SNAPC3: variants seen among roughly 807,000 people sequenced by gnomAD.
The protein encoded by SNAPC3 is small nuclear RNA activating complex polypeptide 3.
In SNAPC3, 56 loss-of-function variants were observed where a neutral mutation model predicts 47.7. The observed-to-expected ratio is 1.18, with a 90% CI of 0.95 to 1.47. SNAPC3 has a LOEUF of 1.47. Among genes scored for constraint, SNAPC3 ranks in the 40% most tolerant of loss-of-function variants. SNAPC3 has a pLI of 0.00. For synonymous variants in SNAPC3, 235 were observed against 189.9 expected (o/e 1.24, Z -1.95); for missense variants, 665 against 511.3 (o/e 1.30, Z -2.90).
intron 4 of SNAPC3, among the ~76,000 whole-genome samples, chr9:15,445,952 C>T (rs949347253): frequency 1.3e-5 from 2 of 152,148 alleles, no homozygotes; most frequent in South Asian, 2.1e-4. Flanking sequence ...ACCCCCTTCT[C>T]CCCAGAAAAA....
At chr9:15,433,284 A>AC (rs2032393565) in intron 2 of SNAPC3, among the ~76,000 whole-genome samples, 1 of 151,710 alleles carries the variant, frequency 6.6e-6, no homozygotes, top group Non-Finnish European at 1.5e-5. Flanking sequence ...AAAAAAAAAA[A>AC]CGAGTAAATT....
At chr9:15,433,992 T>C (rs2032492018) in intron 3 of SNAPC3, among the ~76,000 whole-genome samples, 3 of 152,172 alleles carry the variant, frequency 2.0e-5, no homozygotes, top group Admixed American at 6.5e-5. Context: ...GTGTAAAACT[T>C]TGGGAAAATT....
intron 5 of SNAPC3, among the ~76,000 whole-genome samples, chr9:15,447,901 C>T (rs2034072176): frequency 2.0e-5 from 3 of 152,150 alleles, no homozygotes; most frequent in African/African-American, 4.8e-5. Context: ...GCCCTGCATA[C>T]CCCCTGGATA....
At chr9:15,433,669 C>T in intron 3 of SNAPC3, 33 bp downstream of exon 3, 1 of 1,340,934 alleles carries the variant, frequency 7.5e-7, no homozygotes, top group Non-Finnish European at 1.1e-6. Flanking sequence ...TCACCCTTTT[C>T]TCTTAAAACA....
At chr9:15,444,442 G>A (rs1412068076) in intron 3 of SNAPC3, among the ~76,000 whole-genome samples, 160 bp from the exon 4 acceptor site, 2 of 152,184 alleles carry the variant, frequency 1.3e-5, no homozygotes, top group Non-Finnish European at 2.9e-5. Flanking sequence ...GAAAGAAGAT[G>A]AAACTAAAGC....
downstream of SNAPC3, chr9:15,465,312 C>G (rs1163436178): frequency 4.2e-6 from 2 of 475,086 alleles, no homozygotes; most frequent in African/African-American, 4.1e-5. Context: ...TTTTATCCCA[C>G]ATTTACTGTA....
At chr9:15,439,342 GCATCTTTTGC>G (rs2033115153) in intron 3 of SNAPC3, among the ~76,000 whole-genome samples, 1 of 151,986 alleles carries the variant, frequency 6.6e-6, no homozygotes, top group Admixed American at 6.6e-5. Flanking sequence ...TTGCTGGATG[GCATCTTTTGC>G]CAATATATAA....
chr9:15,447,546 CAG>C (rs1363444555), intron 5 of SNAPC3, among the ~76,000 whole-genome samples: 2 of 151,494 alleles, frequency 1.3e-5, no homozygotes, highest in Non-Finnish European at 1.5e-5. Flanking sequence ...TTTTTTGAGA[CAG>C]AGTCTCGCTC....
intron 2 of SNAPC3, among the ~76,000 whole-genome samples, chr9:15,431,343 C>T (rs926226776): frequency 5.3e-5 from 8 of 152,170 alleles, no homozygotes; most frequent in Non-Finnish European, 8.8e-5. Flanking sequence ...TTTCTCAGCC[C>T]TAGGGGTAGG....
At chr9:15,444,546 C>T in intron 3 of SNAPC3, 56 bp from the exon 4 acceptor site, 1 of 1,122,736 alleles carries the variant, frequency 8.9e-7, no homozygotes, top group Non-Finnish European at 1.4e-6. Flanking sequence ...TTGTACCACA[C>T]TGCATCTTAT....
chr9:15,454,931 A>C (rs556905105), intron 7 of SNAPC3, among the ~76,000 whole-genome samples: 5 of 152,044 alleles, frequency 3.3e-5, no homozygotes, highest in Non-Finnish European at 5.9e-5. Context: ...AAGACTCCAT[A>C]TCAAAAAATA....
At chr9:15,456,753 C>T (rs1483682669) in intron 7 of SNAPC3, among the ~76,000 whole-genome samples, 1 of 152,216 alleles carries the variant, frequency 6.6e-6, no homozygotes, top group African/African-American at 2.4e-5. Flanking sequence ...CAGGCGTGAG[C>T]CACCACATCT....
In SNAPC3 at chr9:15,459,823, A is replaced by C. The variant is rs3087653; in HGVS notation, c.1193A>C (p.Glu398Ala). The change falls in exon 9 of 9, where the codon GAA becomes GCA. Residue 398 changes from glutamate to alanine, a missense_variant. Physicochemically the swap from Glu to Ala is moderately radical, Grantham distance 107 (BLOSUM62 -1). Transcript: ENST00000380821. ...HYDSEGNKLGEFLAYPYVDPG... is the reference protein window; with the variant it reads ...HYDSEGNKLGAFLAYPYVDPG... The stretch of plus-strand genomic sequence containing the variant: ...GATTCAGAAGGCAACAAACTGGGGG[A>C]ATTCCTTGCTTATCCTTATGTTGAT... 0.046 allele frequency: 74,663 copies of C among 1,613,070 alleles called. 1,926 individuals are homozygous for C. Among genetic ancestry groups the C allele is most frequent in the South Asian group, 0.07 (6,371 of 90,966 alleles).
intron 2 of SNAPC3, among the ~76,000 whole-genome samples, chr9:15,428,470 C>T (rs1019467091): frequency 2.1e-5 from 3 of 143,950 alleles, no homozygotes; most frequent in Middle Eastern, 3.6e-3. Flanking sequence ...GATCACGCCA[C>T]TGCACTCCAG....
downstream of SNAPC3, chr9:15,465,887 G>A (rs1336970696): frequency 3.7e-6 from 1 of 270,694 alleles, no homozygotes; most frequent in Non-Finnish European, 6.9e-6. Flanking sequence ...TAAAGAACAT[G>A]AGAATGTTTT....
At chr9:15,425,444 C>T (rs2031240458) in intron 2 of SNAPC3, among the ~76,000 whole-genome samples, 1 of 152,134 alleles carries the variant, frequency 6.6e-6, no homozygotes, top group African/African-American at 2.4e-5. Flanking sequence ...GTTTCAACTC[C>T]TGACCTCATG....
chr9:15,448,669 A>C (rs1248088560), intron 5 of SNAPC3, among the ~76,000 whole-genome samples: 4 of 152,174 alleles, frequency 2.6e-5, no homozygotes, highest in Non-Finnish European at 5.9e-5. Context: ...GATTTCACTT[A>C]AGTACCTGTT....
At chr9:15,456,853 T>C (rs1466190279) in intron 7 of SNAPC3, among the ~76,000 whole-genome samples, 2 of 152,224 alleles carry the variant, frequency 1.3e-5, no homozygotes, top group Non-Finnish European at 2.9e-5. Context: ...CATTTTTATC[T>C]TACAGGTGGA....
At chr9:15,434,028 G>A (rs1299479992) in intron 3 of SNAPC3, among the ~76,000 whole-genome samples, 1 of 152,156 alleles carries the variant, frequency 6.6e-6, no homozygotes, top group Non-Finnish European at 1.5e-5. Flanking sequence ...TGAGGAATTA[G>A]GAGCTAGTAG....
Sources: allele counts gnomAD v4.1 joint callset (sites outside exome capture counted in the v4.1 genomes callset), GRCh38; gene constraint gnomAD v4.1.1; transcripts MANE v1.5; gene names NCBI Gene and HGNC (gene_info 2026-07-23, HGNC 2026-07-21).